The following ALDH1L1 variants were observed in gnomAD, a reference collection of about 807,000 sequenced individuals.
The protein encoded by ALDH1L1 is cytosolic 10-formyltetrahydrofolate dehydrogenase.
ALDH1L1 carries 68 observed loss-of-function variants against 101.1 expected under a neutral mutation model. The observed-to-expected ratio is 0.67, with a 90% CI of 0.55 to 0.82. The LOEUF (loss-of-function observed/expected upper bound fraction) is 0.82. Among genes scored for constraint, ALDH1L1 ranks in the 40% least tolerant of loss-of-function variants. The pLI, the probability that ALDH1L1 is intolerant of heterozygous loss-of-function variation, is 0.00. For synonymous variants in ALDH1L1, 486 were observed against 470.8 expected, an observed-to-expected ratio of 1.03 and a Z score of -0.42; for missense variants, 1,087 against 1,172.7, an observed-to-expected ratio of 0.93 and a Z score of 1.07.
At chr3:126,176,455 CA>C (rs149803695) in intron 1 of ALDH1L1, among the ~76,000 whole-genome samples, 1,974 of 152,252 alleles carry the variant, frequency 0.013, 37 homozygotes, top group African/African-American at 0.044. Context: ...GTAATCAAGA[CA>C]GTACGGTATT....
intron 7 of ALDH1L1, 73 bp from the exon 8 acceptor site, chr3:126,150,604 G>A: frequency 3.4e-6 from 5 of 1,479,712 alleles, no homozygotes; most frequent in Non-Finnish European, 4.5e-6. Context: ...GCCCAGGCTG[G>A]AGTGCAGTGG....
rs2080458187 is a variant in ALDH1L1, at chr3:126,136,870, A to G, written c.1238T>C (p.Val413Ala). The change falls in exon 11 of 23, where the codon GTG becomes GCG. Residue 413 changes from valine (V) to alanine (A), a missense_variant. This residue lies in a region of ALDH1L1 where 645 missense variants were observed against 637.0 expected (regional missense o/e 1.01). Coordinates refer to ENST00000393434, the MANE Select transcript of ALDH1L1 (RefSeq NM_012190.4). ...ECSIDYVEMA[V>A]NKRTVRMPHQ... ...GGGCATGCGGACAGTGCGCTTGTTC[A>G]CTGCCATTTCCACCTGAAAGAAAGG... is the stretch of plus-strand genomic sequence containing the variant. 1 of 1,613,454 alleles carries G rather than the reference A, an allele frequency of 6.2e-7. No homozygotes were observed. Among genetic ancestry groups the G allele is most frequent in the Non-Finnish European group, 8.5e-7 (1 of 1,179,844 alleles).
intron 12 of ALDH1L1, 82 bp downstream of exon 12, chr3:126,135,453 G>C: frequency 6.4e-7 from 1 of 1,552,728 alleles, no homozygotes; most frequent in Non-Finnish European, 8.7e-7. Context: ...GCAGGTAAAA[G>C]GGCCTCCACA....
At chr3:126,193,337 C>T (rs970589057) in intron 1 of ALDH1L1, among the ~76,000 whole-genome samples, 1 of 152,156 alleles carries the variant, frequency 6.6e-6, no homozygotes, top group Non-Finnish European at 1.5e-5. Context: ...AGTCTTAGCT[C>T]AATTATGTCA....
In ALDH1L1 at chr3:126,114,667, C is replaced by A; in HGVS notation, c.1983-11G>T. 1 of 1,544,680 alleles carries A rather than the reference C, an allele frequency of 6.5e-7. No individual in the cohort carries two copies. Among genetic ancestry groups the A allele is most frequent in the Non-Finnish European group, 8.7e-7 (1 of 1,144,324 alleles). Reference sequence around the variant, plus strand: ...TTACTTATGGCACAGCTGCAAGGAACAGAGGGCTGGTGGGGCCGGTCCCTC... The same window carrying A: ...TTACTTATGGCACAGCTGCAAGGAAAAGAGGGCTGGTGGGGCCGGTCCCTC... On this transcript the variant is annotated splice_polypyrimidine_tract_variant and intron_variant, in intron 17 of 22. Coordinates refer to ENST00000393434, the MANE Select transcript of ALDH1L1 (RefSeq NM_012190.4).
rs532753905 is a variant in ALDH1L1, at chr3:126,190,588, A to G, written c.-24+7147T>C. Among the ~76,000 whole-genome samples the G allele has an allele frequency of 2.0e-5, 3 of 152,218 alleles. No homozygotes were observed. The South Asian group carries it at 6.2e-4, about 31-fold the overall frequency. On this transcript the variant is annotated intron_variant, in intron 1 of 2. Transcript: ENST00000509952. ...ATCATAGAGGAGCTGACTTTGATCA[A>G]TCTTATGGAGTTTATTGAAATTACA...
At chr3:126,159,984 C>G (rs1283252237) in intron 2 of ALDH1L1, among the ~76,000 whole-genome samples, 1 of 152,168 alleles carries the variant, frequency 6.6e-6, no homozygotes, top group Non-Finnish European at 1.5e-5. Context: ...TAAGCCCTGC[C>G]CCACAGTCTG....
At chr3:126,153,360 T>C in intron 7 of ALDH1L1, 84 bp downstream of exon 7, 1 of 1,595,560 alleles carries the variant, frequency 6.3e-7, no homozygotes. Context: ...CAGAGGAGCC[T>C]AGGGTCTTCC....
chr3:126,112,700 G>A (rs1208411649), intron 19 of ALDH1L1, 82 bp downstream of exon 19: 49 of 1,375,686 alleles, frequency 3.6e-5, no homozygotes, highest in Non-Finnish European at 4.5e-5. Flanking sequence ...ACCCTGCCCT[G>A]TCTCCCCTCC....
At chr3:126,135,270 C>T (rs557848621) in intron 12 of ALDH1L1, 5 of 332,020 alleles carry the variant, frequency 1.5e-5, no homozygotes, top group South Asian at 3.4e-5. Flanking sequence ...CCTTGGCTTC[C>T]GCACCTCCTC....
At position 126,135,370 on chromosome 3, in the gene ALDH1L1, C is replaced by T. The variant is rs190260354; in HGVS notation, c.1472+165G>A. 6.1e-4 allele frequency: 534 copies of T among 877,242 alleles called. 3 individuals carry two copies. The African/African-American group carries it at 8.9e-3, about 15-fold the overall frequency. The allele number at this position is 877,242 out of a possible 1,614,324, so 54.3% of individuals were successfully genotyped here. On this transcript the variant is annotated intron_variant, in intron 12 of 22. Transcript: ENST00000393434. ...CCTCTGAGAAGCCTTTTCTGAGCCT[C>T]AGGCAAGGAGCCCCAGCCTGGCCCA... is the stretch of plus-strand genomic sequence containing the variant.
intron 1 of ALDH1L1, 31 bp from the exon 2 acceptor site, chr3:126,161,033 G>A: frequency 6.2e-7 from 1 of 1,608,930 alleles, no homozygotes; most frequent in Non-Finnish European, 8.5e-7. Context: ...CAATTAGACA[G>A]AGATCGCTGG....
upstream of ALDH1L1, among the ~76,000 whole-genome samples, chr3:126,185,313 C>T (rs1350995163): frequency 2.0e-5 from 3 of 152,234 alleles, no homozygotes; most frequent in East Asian, 3.9e-4. Flanking sequence ...CCCCCAGAAA[C>T]TCACTGTAAA....
intron 17 of ALDH1L1, among the ~76,000 whole-genome samples, chr3:126,115,808 C>T (rs1409009699): frequency 5.3e-5 from 8 of 151,914 alleles, no homozygotes; most frequent in Admixed American, 1.3e-4. Context: ...CTCCTGACCT[C>T]AGGTGATCTG....
rs944585817 is a variant in ALDH1L1, at chr3:126,138,074, G to T, written c.1077-114C>A. On this transcript the variant is annotated intron_variant, in intron 9 of 22. Coordinates refer to ENST00000393434, the MANE Select transcript of ALDH1L1 (RefSeq NM_012190.4). ...CAGAGAGGCTCCATCCCAGCACCGA[G>T]AGGTAGCCATGAGCCCAGAACTGGG... 9 of 1,345,592 alleles carry T rather than the reference G, an allele frequency of 6.7e-6. No homozygotes were observed. The African/African-American group carries it at 1.0e-4, about 15-fold the overall frequency. 83.4% of individuals were successfully genotyped at this position (1,345,592 alleles called of 1,614,324 possible).
intron 1 of ALDH1L1, among the ~76,000 whole-genome samples, chr3:126,169,798 GC>G (rs1197774290): frequency 2.0e-5 from 3 of 151,802 alleles, no homozygotes; most frequent in African/African-American, 7.3e-5. Context: ...AAATAATTAA[GC>G]CAAGTATAAT....
chr3:126,166,314 C>T (rs758295633), intron 1 of ALDH1L1, among the ~76,000 whole-genome samples: 2 of 152,188 alleles, frequency 1.3e-5, no homozygotes, highest in Non-Finnish European at 2.9e-5. Context: ...TGGGATCTTT[C>T]TCTAAAAATC....
chr3:126,175,604 A>T (rs2081353570), intron 1 of ALDH1L1, among the ~76,000 whole-genome samples: 1 of 152,192 alleles, frequency 6.6e-6, no homozygotes, highest in Admixed American at 6.5e-5. Flanking sequence ...TTATATGATC[A>T]CATCAATAGA....
intron 8 of ALDH1L1, among the ~76,000 whole-genome samples, chr3:126,149,186 C>G (rs547364442): frequency 3.9e-5 from 6 of 152,354 alleles, no homozygotes; most frequent in Non-Finnish European, 8.8e-5. Context: ...ACAGTACACA[C>G]TCCAGAAGTA....
Sources: allele counts gnomAD v4.1 joint callset (sites outside exome capture counted in the v4.1 genomes callset), GRCh38; gene constraint gnomAD v4.1.1; regional missense constraint gnomAD v4.1.1; transcripts MANE v1.5; gene names NCBI Gene and HGNC (gene_info 2026-07-23, HGNC 2026-07-21).